RFX1: variants seen among roughly 807,000 people sequenced by gnomAD.
RFX1 encodes regulatory factor X1, also known as MHC class II regulatory factor RFX1.
RFX1 carries 42 observed loss-of-function variants against 119.6 expected under a neutral mutation model. The ratio of observed to expected loss-of-function variants is 0.35; its 90% CI spans 0.27 to 0.45. The LOEUF (loss-of-function observed/expected upper bound fraction) is 0.45. RFX1 is among the 20% of genes least tolerant of loss of function. The probability of loss-of-function intolerance (pLI) is 1.00; values close to 1 mark genes in which losing one functional copy is unlikely to be tolerated. For synonymous variants in RFX1, 628 were observed against 618.5 expected, an observed-to-expected ratio of 1.02 and a Z score of -0.23; for missense variants, 1,118 against 1,368.1, an observed-to-expected ratio of 0.82 and a Z score of 2.88.
rs981140388 is a variant in RFX1, at chr19:13,978,600, G to A, written c.835-514C>T. 6.6e-5 allele frequency among the ~76,000 whole-genome samples: 10 copies of A among 152,284 alleles called. No homozygotes were observed. In the East Asian group the frequency reaches 1.7e-3, roughly 27 times the overall value. ...GGGGCGGAGCTGGGACCTGGACGGG[G>A]CTTGGGTGGGGAGTCAGAGGCGGGT... On this transcript the variant is annotated intron_variant, in intron 7 of 20. Coordinates refer to ENST00000254325, the MANE Select transcript of RFX1 (RefSeq NM_002918.5).
intron 7 of RFX1, 79 bp downstream of exon 7, chr19:13,979,368 G>A (rs566635503): frequency 1.6e-5 from 15 of 909,812 alleles, no homozygotes; most frequent in Middle Eastern, 3.7e-4. Flanking sequence ...CCCTCCCTGC[G>A]GCCTCAGGGG....
In RFX1 at chr19:13,972,877, C is replaced by T. The variant is rs1362023530; in HGVS notation, c.1180G>A (p.Gly394Ser). The change falls in exon 9 of 21, where the codon GGC becomes AGC. Residue 394 changes from glycine (G) to serine (S), a missense_variant. Gly to Ser is a moderately conservative substitution (Grantham distance 56). Transcript: ENST00000254325. ...CTGCCACTGCCACCCCCGCCACCGC[C>T]TCCCCCGCCGCCGCCGCCACCACCA... ...GSGGGGGGGG[G>S]GGGGGSGSTG... The T allele has an allele frequency of 6.4e-7, 1 of 1,561,102 alleles. No individual in the cohort carries two copies.
In RFX1 at chr19:13,966,456, G is replaced by A. The variant is rs563349018; in HGVS notation, c.1926C>T (p.Asn642=). The A allele has an allele frequency of 2.5e-6, 4 of 1,610,802 alleles. No homozygotes were observed. The highest frequency in any genetic ancestry group is 1.1e-5 in the South Asian group (1 of 90,910). Residue 642 remains asparagine, a synonymous_variant, in exon 14 of 21, where the codon AAC becomes AAT. Coordinates refer to ENST00000254325, the MANE Select transcript of RFX1 (RefSeq NM_002918.5). This position sits in a 1 kb window ranked among gnomAD's most constrained non-coding sequence, Gnocchi z 6.3. ...ETLWKTFWRY[N]LSQPSEAPPL... is the part of the protein sequence containing the mutation. ...GTGGCGCCTCACTGGGCTGGCTGAG[G>A]TTGTACCTCCAGAAGGTCTTCCACA...
chr19:13,989,251 C>T (rs1253205974), intron 2 of RFX1, among the ~76,000 whole-genome samples: 1 of 151,864 alleles, frequency 6.6e-6, no homozygotes, highest in African/African-American at 2.4e-5. Context: ...GGGGCTGGAC[C>T]AGGTATGTGA....
Position 13,966,602 on chromosome 19 carries a change from G to T in RFX1, c.1851+31C>A. On this transcript the variant is annotated intron_variant, in intron 13 of 20. Coordinates refer to ENST00000254325, the MANE Select transcript of RFX1 (RefSeq NM_002918.5). The surrounding 1 kb of genome is among the most constrained non-coding windows in gnomAD (Gnocchi z 6.3). The stretch of plus-strand genomic sequence containing the variant: ...CTCCCATGCCCGTGGCTGCGTCCCC[G>T]TCCACTTGCCTGCCCACCTGGCCAC... The T allele has an allele frequency of 6.4e-7, 1 of 1,551,656 alleles. No individual in the cohort carries two copies. The highest frequency in any genetic ancestry group is 8.8e-7 in the Non-Finnish European group (1 of 1,139,180).
chr19:14,001,615 C>T (rs542178805), intron 1 of RFX1, among the ~76,000 whole-genome samples: 1 of 152,310 alleles, frequency 6.6e-6, no homozygotes, highest in Admixed American at 6.5e-5. Context: ...TTATTTTCTT[C>T]CTCCTAGTTC....
rs544481247 is a variant in RFX1, at chr19:13,966,909, C to T, written c.1733-158G>A. The stretch of plus-strand genomic sequence containing the variant: ...CGCCTGGCCCGGGCCCAGGACGGGC[C>T]CAGGAGTGAGGGCCCACACTCCTCT... On this transcript the variant is annotated intron_variant, in intron 12 of 20. Coordinates refer to ENST00000254325, the MANE Select transcript of RFX1 (RefSeq NM_002918.5). The surrounding 1 kb of genome is among the most constrained non-coding windows in gnomAD (Gnocchi z 6.3). 1.3e-5 allele frequency among the ~76,000 whole-genome samples: 2 copies of T among 152,270 alleles called. No individual in the cohort carries two copies. The highest frequency in any genetic ancestry group is 4.1e-4 in the South Asian group (2 of 4,826).
chr19:14,004,637 C>T (rs777221292), intron 1 of RFX1, among the ~76,000 whole-genome samples: 1 of 152,112 alleles, frequency 6.6e-6, no homozygotes, highest in Non-Finnish European at 1.5e-5. Flanking sequence ...AGGGCCAGGC[C>T]TAGAAAAAGT....
In RFX1 at chr19:13,996,171, G is replaced by A. The variant is rs144187329; in HGVS notation, c.-52-2276C>T. The stretch of plus-strand genomic sequence containing the variant: ...AGCAGGGGATCGGCAGATGGTTTGG[G>A]GACCCTTGTACTCATAAGCCCTATC... On this transcript the variant is annotated intron_variant, in intron 1 of 20. Coordinates refer to ENST00000254325, the MANE Select transcript of RFX1 (RefSeq NM_002918.5). Among the ~76,000 whole-genome samples, 67 of 152,326 alleles carry A rather than the reference G, an allele frequency of 4.4e-4. 2 individuals are homozygous for A. In the Middle Eastern group the frequency reaches 0.017, roughly 39 times the overall value.
intron 2 of RFX1, among the ~76,000 whole-genome samples, chr19:13,984,354 C>G (rs1033736199): frequency 6.6e-6 from 1 of 152,072 alleles, no homozygotes; most frequent in African/African-American, 2.4e-5. Flanking sequence ...CTAATCCCCC[C>G]GGTGGATGCA....
rs765134074 is a variant in RFX1 at position 13,972,752 on chromosome 19, C to T, written c.1305G>A (p.Ser435=). Residue 435 remains serine, a synonymous_variant, in exon 9 of 21, where the codon TCG becomes TCA. Transcript: ENST00000254325. The stretch of plus-strand genomic sequence containing the variant: ...GCGTTGGGGCACTTACCGTGGCTGG[C>T]GAGGCACGGGTGGTGTGAGAGTAAG... ...SQSYSHTTRA[S]PATVQWLLDN... 52 of 1,594,060 alleles carry T rather than the reference C, an allele frequency of 3.3e-5. No individual in the cohort carries two copies. Among genetic ancestry groups the T allele is most frequent in the Middle Eastern group, 1.8e-4 (1 of 5,640 alleles).
At chr19:14,001,633 C>T (rs563702746) in intron 1 of RFX1, among the ~76,000 whole-genome samples, 10 of 152,348 alleles carry the variant, frequency 6.6e-5, no homozygotes, top group Admixed American at 3.3e-4. Context: ...TTCCTCTTCC[C>T]TCCCTGACTG....
intron 3 of RFX1, 26 bp downstream of exon 3, chr19:13,983,460 C>A (rs552833089): frequency 1.3e-6 from 2 of 1,547,118 alleles, no homozygotes; most frequent in African/African-American, 1.4e-5. Context: ...GGCCCTCCCC[C>A]ACCCCCTGGG....
chr19:13,998,925 C>T (rs142908145), intron 1 of RFX1, among the ~76,000 whole-genome samples: 3 of 152,274 alleles, frequency 2.0e-5, no homozygotes, highest in African/African-American at 7.2e-5. Flanking sequence ...CTCATCCCTT[C>T]CACTCAGGGG....
chr19:13,983,391 AG>A (rs768005307), intron 3 of RFX1, 94 bp downstream of exon 3: 1 of 1,243,804 alleles, frequency 8.0e-7, no homozygotes, highest in South Asian at 1.3e-5. Flanking sequence ...TGGCTCCAGC[AG>A]GAAGCGGGGA....
At position 13,969,836 on chromosome 19, in the gene RFX1, A is replaced by C; in HGVS notation, c.1496+158T>G. On this transcript the variant is annotated intron_variant, in intron 10 of 20. Coordinates refer to ENST00000254325, the MANE Select transcript of RFX1 (RefSeq NM_002918.5). The surrounding 1 kb of genome is among the most constrained non-coding windows in gnomAD (Gnocchi z 4.5). ...TGAGGTGGAAGGCACCGCCAGTGCA[A>C]AGGCCTAGAGTGGGAGTGAGCGGGG... 5 of 625,646 alleles carry C rather than the reference A, an allele frequency of 8.0e-6. No individual in the cohort carries two copies. The highest frequency in any genetic ancestry group is 1.8e-5 in the African/African-American group (1 of 54,116). The allele number at this position is 625,646 out of a possible 1,614,324, so 38.8% of individuals were successfully genotyped here. A position where few individuals can be genotyped will look rare whatever the true frequency, so the allele number is the denominator to read the frequency against.
At chr19:14,004,232 G>A (rs925158550) in intron 1 of RFX1, among the ~76,000 whole-genome samples, 2 of 152,042 alleles carry the variant, frequency 1.3e-5, no homozygotes, top group African/African-American at 2.4e-5. Context: ...AGGGCTAGCC[G>A]GGCGCGGTGG....
In RFX1 at chr19:13,962,466, G is replaced by C. The variant is rs1369473687; in HGVS notation, c.*229C>G. The C allele has an allele frequency of 1.2e-5, 6 of 518,544 alleles. No individual in the cohort carries two copies. In the African/African-American group the frequency reaches 1.2e-4, roughly 11 times the overall value. The allele number at this position is 518,544 out of a possible 1,614,324, so 32.1% of individuals were successfully genotyped here. ...TGCCCCGCGGGGCACCTGGGCACGC[G>C]GCGGGTTCCTTAAGGCACGTCTTTT... is the stretch of plus-strand genomic sequence containing the variant. On this transcript the variant is annotated 3_prime_UTR_variant, in exon 21 of 21. Coordinates refer to ENST00000254325, the MANE Select transcript of RFX1 (RefSeq NM_002918.5).
At position 13,972,864 on chromosome 19, in the gene RFX1, C is replaced by T. The variant is rs755485281; in HGVS notation, c.1193G>A (p.Gly398Asp). 6.4e-7 allele frequency: 1 copy of T among 1,561,236 alleles called. No individual in the cohort carries two copies. Among genetic ancestry groups the T allele is most frequent in the Non-Finnish European group, 8.6e-7 (1 of 1,157,680 alleles). Residue 398 changes from glycine (G) to aspartate (D), a missense_variant, in exon 9 of 21, where the codon GGT becomes GAT. Gly to Asp is a moderately conservative substitution (Grantham distance 94). This residue lies in a region of RFX1 where 542 missense variants were observed against 602.7 expected (regional missense o/e 0.90). Transcript: ENST00000254325. ...GGGGGGGGGG[G>D]GSGSTGGGGS... ...GCCGCCTCCGGTGCTGCCACTGCCA[C>T]CCCCGCCACCGCCTCCCCCGCCGCC...
Sources: gnomAD v4.1 joint callset for allele counts (sites outside exome capture counted in the v4.1 genomes callset) on GRCh38, gnomAD v4.1.1 for gene constraint, gnomAD v4.1.1 regional missense constraint, Gnocchi (gnomAD v3.1) non-coding constraint, MANE v1.5 for transcripts, NCBI Gene and HGNC (gene_info 2026-07-23, HGNC 2026-07-21) for gene names.